The following SPTBN2 variants were observed in gnomAD, a reference collection of about 807,000 sequenced individuals.
The protein encoded by SPTBN2 is spectrin beta, non-erythrocytic 2.
A neutral mutation model predicts 284.2 loss-of-function variants in SPTBN2; 107 were observed. The observed-to-expected ratio is 0.38, with a 90% CI of 0.32 to 0.44. SPTBN2 has a LOEUF of 0.44. Among genes scored for constraint, SPTBN2 ranks in the 20% least tolerant of loss-of-function variants. The pLI is 1.00. For missense variants in SPTBN2, 2,569 were observed against 3,287.1 expected (o/e 0.78, Z 5.34); for synonymous variants, 1,289 against 1,354.8 (o/e 0.95, Z 1.07).
At position 66,701,292 on chromosome 11, in the gene SPTBN2, G is replaced by C. The variant is rs768321891; in HGVS notation, c.2817-10C>G. The C allele has an allele frequency of 5.6e-6, 9 of 1,611,096 alleles. No homozygotes were observed. Among genetic ancestry groups the C allele is most frequent in the Middle Eastern group, 1.7e-4 (1 of 6,026 alleles). ...CCGAAACTGCTGCCACCTGAGAGCAGGGGGAAGGTTCAGCTTCCTGCCCTG... is the reference window on the plus strand; with the variant it reads ...CCGAAACTGCTGCCACCTGAGAGCACGGGGAAGGTTCAGCTTCCTGCCCTG... On this transcript the variant is annotated splice_polypyrimidine_tract_variant and intron_variant, in intron 16 of 37. Coordinates refer to ENST00000533211, the MANE Select transcript of SPTBN2 (RefSeq NM_006946.4).
At chr11:66,736,188 T>C (rs1942850651) in intron 1 of SPTBN2, among the ~76,000 whole-genome samples, 1 of 152,182 alleles carries the variant, frequency 6.6e-6, no homozygotes, top group Non-Finnish European at 1.5e-5. Context: ...AGTCATGCCT[T>C]GAGCTCCCTT....
At position 66,701,669 on chromosome 11, in the gene SPTBN2, C is replaced by A. The variant is rs370499009; in HGVS notation, c.2731G>T (p.Val911Leu). The change falls in exon 16 of 38, where the codon GTG (valine) becomes TTG (leucine). Residue 911 changes from valine (V) to leucine (L), a missense_variant. Val to Leu is a conservative substitution (Grantham distance 32). This residue lies in a region of SPTBN2 where 1,012 missense variants were observed against 1,248.9 expected (regional missense o/e 0.81). Coordinates refer to ENST00000533211, the MANE Select transcript of SPTBN2 (RefSeq NM_006946.4). ...AGTAACTGCTCGGCAATGTCATTCACCGCGGTGATTTGTGCTGCAAGGGTG... is the reference window on the plus strand; with the variant it reads ...AGTAACTGCTCGGCAATGTCATTCAACGCGGTGATTTGTGCTGCAAGGGTG... ...MNTLAAQITAVNDIAEQLLKA... is the reference protein window; with the variant it reads ...MNTLAAQITALNDIAEQLLKA... 1.9e-6 allele frequency: 3 copies of A among 1,613,948 alleles called. No homozygotes were observed. In the African/African-American group the frequency reaches 4.0e-5, roughly 22 times the overall value.
Position 66,691,690 on chromosome 11 carries a change from C to A in SPTBN2, c.5191-32G>T. On this transcript the variant is annotated intron_variant, in intron 26 of 37. Coordinates refer to ENST00000533211, the MANE Select transcript of SPTBN2 (RefSeq NM_006946.4). This position sits in a 1 kb window ranked among gnomAD's most constrained non-coding sequence, Gnocchi z 8.0. ...GAGGAAGCAGATGGACAGACCATGC[C>A]GTGATGTTAGGGGATGTGGTCCCTG... is the stretch of plus-strand genomic sequence containing the variant. 6.2e-7 allele frequency: 1 copy of A among 1,612,604 alleles called. No individual in the cohort carries two copies.
At position 66,734,606 on chromosome 11, in the gene SPTBN2, C is replaced by T. The variant is rs553491991; in HGVS notation, c.-474-5414G>A. Among the ~76,000 whole-genome samples the T allele has an allele frequency of 3.9e-4, 59 of 152,338 alleles. 1 individual carries two copies. In the South Asian group the frequency reaches 9.7e-3, roughly 25 times the overall value. On this transcript the variant is annotated intron_variant, in intron 1 of 37. Coordinates refer to the SPTBN2 transcript ENST00000611817. ...GATGTTACTTCCTCTGGAAAGCCCT[C>T]CTTGAGCTCCAAGTCTGGGACAGGG...
intron 1 of SPTBN2, among the ~76,000 whole-genome samples, chr11:66,743,299 T>C (rs1407371457): frequency 6.6e-6 from 1 of 152,218 alleles, no homozygotes; most frequent in Non-Finnish European, 1.5e-5. Flanking sequence ...GGAGGAGCGC[T>C]GAGCATAGAC....
At chr11:66,724,376 T>C (rs546769127) in intron 1 of SPTBN2, among the ~76,000 whole-genome samples, 3 of 152,186 alleles carry the variant, frequency 2.0e-5, no homozygotes, top group African/African-American at 4.8e-5. Context: ...TGAGCCAAGA[T>C]TGCGCCATTG....
At chr11:66,699,750 G>A in intron 17 of SPTBN2, 142 bp from the exon 18 acceptor site, 1 of 871,610 alleles carries the variant, frequency 1.1e-6, no homozygotes, top group Non-Finnish European at 1.9e-6. Flanking sequence ...AAGACAGGGA[G>A]GCTGCCAGCC....
In SPTBN2 at chr11:66,686,020, C is replaced by G; in HGVS notation, c.7024G>C (p.Val2342Leu). Residue 2342 changes from valine to leucine, a missense_variant, in exon 38 of 38, where the codon GTG (valine) becomes CTG (leucine). Val to Leu is a conservative substitution (Grantham distance 32). Around this residue, in one of 6 missense-constraint regions of SPTBN2, gnomAD observed 1,130 missense variants for 1,317.3 expected, o/e 0.86. Transcript: ENST00000533211. The stretch of plus-strand genomic sequence containing the variant: ...GTCATGCCCCGGGTGGTGCTGGGCA[C>G]CACCGGCTCTTCAGGCTCTCCAGAG... ...SASGEPEEPVVPSTTRGMTRA... is the reference protein window; with the variant it reads ...SASGEPEEPVLPSTTRGMTRA... 6.2e-7 allele frequency: 1 copy of G among 1,613,734 alleles called. No homozygotes were observed. Among genetic ancestry groups the G allele is most frequent in the African/African-American group, 1.3e-5 (1 of 75,046 alleles).
At chr11:66,699,279 T>C in intron 18 of SPTBN2, 127 bp downstream of exon 18, 1 of 1,311,314 alleles carries the variant, frequency 7.6e-7, no homozygotes, top group Non-Finnish European at 1.1e-6. Flanking sequence ...ACTTAGTTCT[T>C]CCCCTCTACT....
At position 66,718,961 on chromosome 11, in the gene SPTBN2, C is replaced by T. The variant is rs575658000; in HGVS notation, c.157+2123G>A. 2.2e-4 allele frequency among the ~76,000 whole-genome samples: 34 copies of T among 152,328 alleles called. No homozygotes were observed. The highest frequency in any genetic ancestry group is 1.4e-3 in the Admixed American group (22 of 15,308). On this transcript the variant is annotated intron_variant, in intron 3 of 37. Coordinates refer to ENST00000533211, the MANE Select transcript of SPTBN2 (RefSeq NM_006946.4). This position sits in a 1 kb window ranked among gnomAD's most constrained non-coding sequence, Gnocchi z 4.8. ...GGGCACTGCCAGCGCCTTCAAGACC[C>T]GCCCATCAGGCCCCAAGTTACCTAA...
chr11:66,708,246 G>A lies in SPTBN2; in HGVS notation c.1245C>T (p.Thr415=), dbSNP rs146719338. ...CCAGCTTCTCCTGGCGGATGAGCTC[G>A]GTGCGCAGGGCCAGCTCACGCTCGT... The part of the protein sequence containing the change: ...AEHERELALR[T]ELIRQEKLEQ... Residue 415 remains threonine, a synonymous_variant, in exon 12 of 38, where the codon ACC becomes ACT. Transcript: ENST00000533211. This position sits in a 1 kb window ranked among gnomAD's most constrained non-coding sequence, Gnocchi z 4.4. 9.3e-6 allele frequency: 15 copies of A among 1,609,944 alleles called. No homozygotes were observed. The highest frequency in any genetic ancestry group is 4.5e-5 in the East Asian group (2 of 44,806).
chr11:66,743,125 T>C (rs1337428911), intron 1 of SPTBN2, among the ~76,000 whole-genome samples: 1 of 54,492 alleles, frequency 1.8e-5, no homozygotes, highest in African/African-American at 7.3e-5. Flanking sequence ...GGGGTGGGGA[T>C]GGGGAGCTCT....
At chr11:66,735,959 C>T (rs747085282) in intron 1 of SPTBN2, among the ~76,000 whole-genome samples, 2 of 152,134 alleles carry the variant, frequency 1.3e-5, no homozygotes, top group Non-Finnish European at 2.9e-5. Context: ...AGGTGGCTTG[C>T]TAGGGGAGCC....
upstream of SPTBN2, among the ~76,000 whole-genome samples, chr11:66,731,323 CAAT>C (rs1469785969): frequency 6.6e-6 from 1 of 152,106 alleles, no homozygotes; most frequent in Non-Finnish European, 1.5e-5. Flanking sequence ...CCAGTACAGT[CAAT>C]GATGAAGAAA....
At chr11:66,729,706 G>A (rs1425581064), upstream of SPTBN2, among the ~76,000 whole-genome samples, 1 of 152,130 alleles carries the variant, frequency 6.6e-6, no homozygotes, top group African/African-American at 2.4e-5. Flanking sequence ...AGATTACTTT[G>A]AAGTTCTCTC....
chr11:66,719,172 G>GA (rs1269803970), intron 3 of SPTBN2, among the ~76,000 whole-genome samples: 1 of 152,244 alleles, frequency 6.6e-6, no homozygotes, highest in Non-Finnish European at 1.5e-5. Flanking sequence ...CCTCAAAGAG[G>GA]AAAAGCCAGG....
Position 66,685,930 on chromosome 11 carries a change from T to C in SPTBN2, c.7114A>G (p.Lys2372Glu). 6.2e-7 allele frequency: 1 copy of C among 1,613,950 alleles called. No individual in the cohort carries two copies. Among genetic ancestry groups the C allele is most frequent in the Non-Finnish European group, 8.5e-7 (1 of 1,180,026 alleles). The change falls in exon 38 of 38, where the codon AAA (lysine) becomes GAA (glutamate). Residue 2372 changes from lysine (K) to glutamate (E), a missense_variant. Coordinates refer to ENST00000533211, the MANE Select transcript of SPTBN2 (RefSeq NM_006946.4). This position sits in a 1 kb window ranked among gnomAD's most constrained non-coding sequence, Gnocchi z 4.4. ...TCTCGCTCTCGTTCTCTGCCGTCTTTGCTGCGGAGCACAACAGGCCCCTCA... is the reference window on the plus strand; with the variant it reads ...TCTCGCTCTCGTTCTCTGCCGTCTTCGCTGCGGAGCACAACAGGCCCCTCA... Reference protein sequence around the residue: ...GAEGPVVLRSKDGREREREKR... With the variant: ...GAEGPVVLRSEDGREREREKR...
Position 66,705,720 on chromosome 11 carries a change from T to A in SPTBN2, c.1771A>T (p.Ser591Cys). 1 of 1,612,472 alleles carries A rather than the reference T, an allele frequency of 6.2e-7. No individual in the cohort carries two copies. Among genetic ancestry groups the A allele is most frequent in the East Asian group, 2.2e-5 (1 of 44,872 alleles). Reference protein sequence around the residue: ...AVQAERVRAVSASALRFCNPG... With the variant: ...AVQAERVRAVCASALRFCNPG... The stretch of plus-strand genomic sequence containing the variant: ...TTGCAGAAGCGCAGGGCAGAGGCGC[T>A]GACGGCCCGCACCCTCTCGGCCTGC... The change falls in exon 14 of 38, where the codon AGC becomes TGC. Residue 591 changes from serine (S) to cysteine (C), a missense_variant. Around this residue, in one of 6 missense-constraint regions of SPTBN2, gnomAD observed 1,012 missense variants for 1,248.9 expected, o/e 0.81. Coordinates refer to ENST00000533211, the MANE Select transcript of SPTBN2 (RefSeq NM_006946.4).
chr11:66,690,215 G>C lies in SPTBN2; in HGVS notation c.5634C>G (p.Ile1878Met), dbSNP rs368160740. The change falls in exon 28 of 38, where the codon ATC becomes ATG. Residue 1878 changes from isoleucine (I) to methionine (M), a missense_variant. Transcript: ENST00000533211. The stretch of plus-strand genomic sequence containing the variant: ...CGGCCACGGCCTGCATGTGGCGGCC[G>C]ATCTCCTCAGCCTTGTCTCCAGCGT... Reference protein sequence around the residue: ...KAYAGDKAEEIGRHMQAVAEA... With the variant: ...KAYAGDKAEEMGRHMQAVAEA... 8 of 1,613,566 alleles carry C rather than the reference G, an allele frequency of 5.0e-6. No homozygotes were observed. The South Asian group carries it at 5.5e-5, about 11-fold the overall frequency.
Sources: allele counts gnomAD v4.1 joint callset (sites outside exome capture counted in the v4.1 genomes callset), GRCh38; gene constraint gnomAD v4.1.1; regional missense constraint gnomAD v4.1.1; non-coding constraint Gnocchi (gnomAD v3.1); transcripts MANE v1.5; gene names NCBI Gene and HGNC (gene_info 2026-07-23, HGNC 2026-07-21).